The following KLF13 variants were observed in gnomAD, a reference collection of about 807,000 sequenced individuals.
KLF13 encodes Krueppel-like factor 13.
A neutral mutation model predicts 16.7 loss-of-function variants in KLF13; 8 were observed. The observed-to-expected ratio is 0.48, with a 90% confidence interval of 0.28 to 0.87. The LOEUF is 0.87. Ranked by LOEUF, KLF13 falls within the 40% of genes least tolerant of loss-of-function variation. The probability of loss-of-function intolerance (pLI) is 0.10; values close to 1 mark genes in which losing one functional copy is unlikely to be tolerated. For synonymous variants in KLF13, 245 were observed against 208.4 expected, an observed-to-expected ratio of 1.18 and a Z score of -1.51; for missense variants, 447 against 452.2, an observed-to-expected ratio of 0.99 and a Z score of 0.10.
intron 1 of KLF13, among the ~76,000 whole-genome samples, chr15:31,343,482 G>T (rs2039062574): frequency 6.6e-6 from 1 of 152,206 alleles, no homozygotes; most frequent in Non-Finnish European, 1.5e-5. Flanking sequence ...CTGCTCACCT[G>T]AAGGGAGAAG....
intron 1 of KLF13, among the ~76,000 whole-genome samples, chr15:31,423,048 C>T (rs1182856547): frequency 7.1e-6 from 1 of 140,596 alleles, no homozygotes; most frequent in African/African-American, 2.8e-5. Flanking sequence ...TAAAAAAAAG[C>T]AAGAATCAAT....
chr15:31,327,128 C>G lies in KLF13; in HGVS notation c.-85C>G. On this transcript the variant is annotated 5_prime_UTR_variant, in exon 1 of 2. Coordinates refer to ENST00000307145, the MANE Select transcript of KLF13 (RefSeq NM_015995.4). Reference sequence around the variant, plus strand: ...GAGAGGGCGCGCCGCGCCCCCGCCCCCCGCCCGCTCTCCCGAGGCCGTGGG... The same window carrying G: ...GAGAGGGCGCGCCGCGCCCCCGCCCGCCGCCCGCTCTCCCGAGGCCGTGGG... 1 of 1,160,204 alleles carries G rather than the reference C, an allele frequency of 8.6e-7. No homozygotes were observed. The highest frequency in any genetic ancestry group is 1.1e-6 in the Non-Finnish European group (1 of 933,912). The allele number at this position is 1,160,204 out of a possible 1,614,324, so 71.9% of individuals were successfully genotyped here. A position where few individuals can be genotyped will look rare whatever the true frequency, so the allele number is the denominator to read the frequency against.
intron 1 of KLF13, among the ~76,000 whole-genome samples, chr15:31,421,137 T>C (rs748707985): frequency 2.6e-4 from 39 of 151,794 alleles, no homozygotes; most frequent in Non-Finnish European, 5.1e-4. Context: ...GGTTGAGCCA[T>C]TGTGATGTAT....
chr15:31,434,181 C>T (rs1482303720), intron 1 of KLF13, among the ~76,000 whole-genome samples: 1 of 152,210 alleles, frequency 6.6e-6, no homozygotes, highest in Non-Finnish European at 1.5e-5. Flanking sequence ...GCAGACAACT[C>T]TCAATATCCC....
intron 1 of KLF13, among the ~76,000 whole-genome samples, chr15:31,415,862 G>T (rs576807406): frequency 2.6e-5 from 4 of 151,492 alleles, no homozygotes; most frequent in Admixed American, 6.6e-5. Context: ...ACCAAAAGCT[G>T]GTTCTTTATA....
At chr15:31,368,848 G>A (rs113733490) in intron 1 of KLF13, among the ~76,000 whole-genome samples, 2 of 150,068 alleles carry the variant, frequency 1.3e-5, no homozygotes, top group African/African-American at 2.4e-5. Flanking sequence ...AGATAGATAG[G>A]TAGATAGATA....
At chr15:31,342,373 G>T (rs544307688) in intron 1 of KLF13, among the ~76,000 whole-genome samples, 2 of 152,330 alleles carry the variant, frequency 1.3e-5, no homozygotes, top group Admixed American at 6.5e-5. Flanking sequence ...TCCCAGGGAC[G>T]CAGTGCCCTG....
intron 1 of KLF13, among the ~76,000 whole-genome samples, chr15:31,416,338 A>G (rs1829346050): frequency 6.6e-6 from 1 of 152,188 alleles, no homozygotes; most frequent in African/African-American, 2.4e-5. Flanking sequence ...CACAGAAGAC[A>G]TTACAAGAAA....
chr15:31,335,218 C>A (rs1349410040), intron 1 of KLF13, among the ~76,000 whole-genome samples: 1 of 152,116 alleles, frequency 6.6e-6, no homozygotes, highest in Non-Finnish European at 1.5e-5. Flanking sequence ...TCATCCCCAG[C>A]AAATGTTACC....
intron 1 of KLF13, among the ~76,000 whole-genome samples, chr15:31,435,114 T>C (rs1437526927): frequency 6.6e-6 from 1 of 152,154 alleles, no homozygotes; most frequent in East Asian, 1.9e-4. Flanking sequence ...GTGCAACGTG[T>C]GTGTTTTTAC....
upstream of KLF13, among the ~76,000 whole-genome samples, chr15:31,391,610 C>T (rs2140983092): frequency 6.6e-6 from 1 of 151,938 alleles, no homozygotes; most frequent in African/African-American, 2.4e-5. Context: ...CCCGCCCCCG[C>T]CCCCGCCCCC....
At chr15:31,349,672 C>T (rs1357911132) in intron 1 of KLF13, among the ~76,000 whole-genome samples, 2 of 152,174 alleles carry the variant, frequency 1.3e-5, no homozygotes, top group African/African-American at 4.8e-5. Context: ...CAGGAGAAGT[C>T]CTCCGGGCCC....
chr15:31,420,444 A>G lies in KLF13; in HGVS notation n.118-14926A>G, dbSNP rs1038370054. On this transcript the variant is annotated intron_variant and non_coding_transcript_variant, in intron 1 of 1. Transcript: ENST00000558225. ...TTCCTCACATCCTGCTACCACCCCA[A>G]CATAGACACCCAGGGTAACATATGC... is the stretch of plus-strand genomic sequence containing the variant. 29 of 898,780 alleles carry G rather than the reference A, an allele frequency of 3.2e-5. No homozygotes were observed. The Admixed American group carries it at 4.1e-4, about 13-fold the overall frequency. 55.7% of individuals were successfully genotyped at this position (898,780 alleles called of 1,614,324 possible). A position where few individuals can be genotyped will look rare whatever the true frequency, so the allele number is the denominator to read the frequency against.
downstream of KLF13, among the ~76,000 whole-genome samples, chr15:31,381,570 T>C (rs1230465856): frequency 6.6e-6 from 1 of 152,180 alleles, no homozygotes; most frequent in Non-Finnish European, 1.5e-5. Flanking sequence ...CCAGCCTTCA[T>C]GTCCTTCCTG....
In KLF13 at chr15:31,365,810, G is replaced by C. The variant is rs541152748; in HGVS notation, c.578-6200G>C. 3.9e-5 allele frequency among the ~76,000 whole-genome samples: 6 copies of C among 152,264 alleles called. No homozygotes were observed. The South Asian group carries it at 1.0e-3, about 26-fold the overall frequency. ...GGCTGCATTTGCATGTGGCTGCTGT[G>C]GGGGAGAGGGGAGGGCCTGGGACTT... On this transcript the variant is annotated intron_variant, in intron 1 of 1. Transcript: ENST00000307145.
Position 31,327,042 on chromosome 15 carries a change from G to A in KLF13, c.-171G>A, listed in dbSNP as rs2038720539. On this transcript the variant is annotated 5_prime_UTR_variant, in exon 1 of 2. Transcript: ENST00000307145. ...GGCCGGGCCGGCGCCTCGCAGACGC[G>A]GAGCCGCGCGGGTGACGGCACAGGC... 11 of 477,876 alleles carry A rather than the reference G, an allele frequency of 2.3e-5. No homozygotes were observed. The South Asian group carries it at 1.1e-3, about 46-fold the overall frequency. 29.6% of individuals were successfully genotyped at this position (477,876 alleles called of 1,614,324 possible). A position where few individuals can be genotyped will look rare whatever the true frequency, so the allele number is the denominator to read the frequency against.
At chr15:31,424,035 C>T (rs935477718) in intron 1 of KLF13, among the ~76,000 whole-genome samples, 2 of 151,754 alleles carry the variant, frequency 1.3e-5, no homozygotes, top group African/African-American at 2.4e-5. Context: ...AATATTGAAT[C>T]GTGAAGAAAT....
intron 1 of KLF13, among the ~76,000 whole-genome samples, chr15:31,335,058 C>T (rs1030932656): frequency 1.3e-5 from 2 of 152,234 alleles, no homozygotes; most frequent in East Asian, 1.9e-4. Flanking sequence ...TCCATAGCCA[C>T]GTACATGTGT....
At chr15:31,409,267 A>G (rs762031228), downstream of KLF13, among the ~76,000 whole-genome samples, 7 of 152,164 alleles carry the variant, frequency 4.6e-5, no homozygotes, top group Non-Finnish European at 8.8e-5. Flanking sequence ...CCTGGGCAAC[A>G]GAGCAGGACT....
Sources: gnomAD v4.1 joint callset for allele counts (sites outside exome capture counted in the v4.1 genomes callset) on GRCh38, gnomAD v4.1.1 for gene constraint, MANE v1.5 for transcripts, NCBI Gene and HGNC (gene_info 2026-07-23, HGNC 2026-07-21) for gene names.